CPSF6: variants seen among roughly 807,000 people sequenced by gnomAD.
CPSF6 encodes cleavage and polyadenylation specific factor 6.
CPSF6 carries 10 observed loss-of-function variants against 56.7 expected under a neutral mutation model. The ratio of observed to expected loss-of-function variants is 0.18; its 90% CI spans 0.11 to 0.30. The LOEUF is 0.30. CPSF6 is among the 10% of genes least tolerant of loss of function. The pLI, the probability that CPSF6 is intolerant of heterozygous loss-of-function variation, is 1.00. For missense variants in CPSF6, 419 were observed against 722.9 expected, an observed-to-expected ratio of 0.58 and a Z score of 4.82; for synonymous variants, 248 against 244.8, an observed-to-expected ratio of 1.01 and a Z score of -0.12.
chr12:69,240,925 T>A (rs1183034068), intron 1 of CPSF6, among the ~76,000 whole-genome samples: 1 of 152,214 alleles, frequency 6.6e-6, no homozygotes, highest in East Asian at 1.9e-4. Flanking sequence ...TTAACTGCAA[T>A]GTTCCTAAAA....
chr12:69,259,025 G>T lies in CPSF6; in HGVS notation c.1130G>T (p.Gly377Val). The change falls in exon 6 of 10, where the codon GGT (glycine) becomes GTT (valine). Residue 377 changes from glycine (G) to valine (V), a missense_variant. Physicochemically the swap from Gly to Val is moderately radical, Grantham distance 109 (BLOSUM62 -3). This residue lies in a region of CPSF6 where 211 missense variants were observed against 296.0 expected (regional missense o/e 0.71). Transcript: ENST00000435070. Reference sequence around the variant, plus strand: ...GGCATGCCTACATCAGATAGCCGAGGTCCACCACCAACAGATCCATATGGG... The same window carrying T: ...GGCATGCCTACATCAGATAGCCGAGTTCCACCACCAACAGATCCATATGGG... ...NSGMPTSDSR[G>V]PPPTDPYGRP... is the part of the protein sequence containing the mutation. 4 of 1,608,636 alleles carry T rather than the reference G, an allele frequency of 2.5e-6. No homozygotes were observed. The highest frequency in any genetic ancestry group is 3.4e-6 in the Non-Finnish European group (4 of 1,180,012).
intron 1 of CPSF6, among the ~76,000 whole-genome samples, chr12:69,243,683 A>G (rs890858162): frequency 2.6e-5 from 4 of 152,200 alleles, no homozygotes; most frequent in African/African-American, 9.7e-5. Context: ...AACCTGCATG[A>G]TTGGAAGTTG....
intron 1 of CPSF6, 52 bp downstream of exon 1, chr12:69,239,758 G>C: frequency 6.5e-7 from 1 of 1,527,832 alleles, no homozygotes; most frequent in Non-Finnish European, 8.8e-7. Flanking sequence ...CTGCGGCCGG[G>C]AAGCTGACCC....
At chr12:69,263,973 CCTTTTA>C (rs900950741) in intron 9 of CPSF6, among the ~76,000 whole-genome samples, 6 of 151,912 alleles carry the variant, frequency 3.9e-5, no homozygotes, top group African/African-American at 1.4e-4. Flanking sequence ...GGCAAAAAAA[CCTTTTA>C]CTTTTAAAAC....
intron 2 of CPSF6, among the ~76,000 whole-genome samples, chr12:69,252,607 T>C (rs915878817): frequency 3.9e-5 from 6 of 152,188 alleles, no homozygotes; most frequent in Non-Finnish European, 8.8e-5. Flanking sequence ...ATGGTTGTTA[T>C]AAGAGTTAGT....
chr12:69,269,732 G>T lies in CPSF6; in HGVS notation c.*224G>T. 1 of 199,092 alleles carries T rather than the reference G, an allele frequency of 5.0e-6. No individual in the cohort carries two copies. The allele number at this position is 199,092 out of a possible 1,614,324, so 12.3% of individuals were successfully genotyped here. Reference sequence around the variant, plus strand: ...ACTGTTTTATTTGAAGGAAACCTGTGTGATTTAAAAAGTTATAGCTTTTGC... The same window carrying T: ...ACTGTTTTATTTGAAGGAAACCTGTTTGATTTAAAAAGTTATAGCTTTTGC... On this transcript the variant is annotated 3_prime_UTR_variant, in exon 10 of 10. Transcript: ENST00000435070.
At chr12:69,264,132 A>G (rs1460638661) in intron 9 of CPSF6, among the ~76,000 whole-genome samples, 1 of 152,076 alleles carries the variant, frequency 6.6e-6, no homozygotes, top group Non-Finnish European at 1.5e-5. Context: ...AAAAATTCTC[A>G]ATATCCATCA....
chr12:69,272,956 A>G lies in CPSF6; in HGVS notation c.*3448A>G, dbSNP rs534986341. On this transcript the variant is annotated 3_prime_UTR_variant, in exon 10 of 10. Coordinates refer to ENST00000435070, the MANE Select transcript of CPSF6 (RefSeq NM_007007.3). ...ACTGGTGTATTTATTTTTTTAAGCA[A>G]CTTGACTCTTAGAAGCCTTAGACTG... 6 of 215,590 alleles carry G rather than the reference A, an allele frequency of 2.8e-5. No homozygotes were observed. The East Asian group carries it at 4.8e-4, about 17-fold the overall frequency. 13.4% of individuals were successfully genotyped at this position (215,590 alleles called of 1,614,324 possible). A position where few individuals can be genotyped will look rare whatever the true frequency, so the allele number is the denominator to read the frequency against.
intron 1 of CPSF6, 61 bp from the exon 2 acceptor site, chr12:69,251,068 A>G: frequency 6.8e-7 from 1 of 1,481,060 alleles, no homozygotes; most frequent in East Asian, 2.3e-5. Flanking sequence ...ATTTGTATTC[A>G]AGTCTATTTT....
chr12:69,251,400 T>A, intron 2 of CPSF6, 62 bp downstream of exon 2: 1 of 1,095,616 alleles, frequency 9.1e-7, no homozygotes, highest in Non-Finnish European at 1.3e-6. Context: ...CTCTAGTAAT[T>A]AATGTTTTTC....
At position 69,269,786 on chromosome 12, in the gene CPSF6, C is replaced by T; in HGVS notation, c.*278C>T. The T allele has an allele frequency of 5.6e-6, 1 of 179,148 alleles. No homozygotes were observed. Among genetic ancestry groups the T allele is most frequent in the Non-Finnish European group, 1.2e-5 (1 of 83,522 alleles). The allele number at this position is 179,148 out of a possible 1,614,324, so 11.1% of individuals were successfully genotyped here. A position where few individuals can be genotyped will look rare whatever the true frequency, so the allele number is the denominator to read the frequency against. On this transcript the variant is annotated 3_prime_UTR_variant, in exon 10 of 10. Coordinates refer to ENST00000435070, the MANE Select transcript of CPSF6 (RefSeq NM_007007.3). ...TTTATTACTGGTTATATACATTTGGCCATTATGATGTGCAAGCAATTGGAA... is the reference window on the plus strand; with the variant it reads ...TTTATTACTGGTTATATACATTTGGTCATTATGATGTGCAAGCAATTGGAA...
At position 69,263,651 on chromosome 12, in the gene CPSF6, G is replaced by A. The variant is rs889925861; in HGVS notation, c.*3+1089G>A. 2.6e-5 allele frequency among the ~76,000 whole-genome samples: 4 copies of A among 152,138 alleles called. No homozygotes were observed. The East Asian group carries it at 5.8e-4, about 22-fold the overall frequency. ...GAAAATTCAGTCATGGTAATTGTTAGTATTTAAATTGTTATGGGCAAAATT... is the reference window on the plus strand; with the variant it reads ...GAAAATTCAGTCATGGTAATTGTTAATATTTAAATTGTTATGGGCAAAATT... On this transcript the variant is annotated intron_variant, in intron 9 of 9. Coordinates refer to ENST00000435070, the MANE Select transcript of CPSF6 (RefSeq NM_007007.3).
intron 1 of CPSF6, among the ~76,000 whole-genome samples, chr12:69,250,182 A>G (rs1306044121): frequency 6.6e-6 from 1 of 151,796 alleles, no homozygotes; most frequent in Non-Finnish European, 1.5e-5. Context: ...TTTTTTTAAT[A>G]CTGGTAGCTT....
chr12:69,255,660 G>A (rs558811371), intron 3 of CPSF6, among the ~76,000 whole-genome samples: 1 of 152,148 alleles, frequency 6.6e-6, no homozygotes, highest in African/African-American at 2.4e-5. Context: ...TCCTGTCTCA[G>A]CCTCCCAGCG....
intron 9 of CPSF6, among the ~76,000 whole-genome samples, chr12:69,266,066 T>TA (rs1872969276): frequency 6.6e-6 from 1 of 151,864 alleles, no homozygotes; most frequent in Non-Finnish European, 1.5e-5. Context: ...AAAAAATTCT[T>TA]ACATGTTAAA....
At chr12:69,257,650 A>G (rs1872567869) in intron 4 of CPSF6, 82 bp from the exon 5 acceptor site, 1 of 1,282,768 alleles carries the variant, frequency 7.8e-7, no homozygotes, top group African/African-American at 1.5e-5. Flanking sequence ...TATTAGAAAT[A>G]GAGTTGTTTT....
chr12:69,263,095 AAT>A (rs977074535), intron 9 of CPSF6, among the ~76,000 whole-genome samples: 46 of 73,882 alleles, frequency 6.2e-4, no homozygotes, highest in African/African-American at 3.5e-3. Flanking sequence ...TTAAAAAAAA[AAT>A]TTTTTTTTTT....
intron 9 of CPSF6, among the ~76,000 whole-genome samples, chr12:69,267,051 C>T (rs1267385001): frequency 2.0e-5 from 3 of 151,962 alleles, no homozygotes; most frequent in Admixed American, 6.5e-5. Context: ...ATTTCCATTC[C>T]TCTTATTAAG....
chr12:69,257,890 C>A lies in CPSF6; in HGVS notation c.679C>A (p.Pro227Thr), dbSNP rs61754516. The A allele has an allele frequency of 6.3e-7, 1 of 1,596,176 alleles. No individual in the cohort carries two copies. Among genetic ancestry groups the A allele is most frequent in the Admixed American group, 1.8e-5 (1 of 54,484 alleles). ...TGGGCCAGCAGGACCAGGAGGGCCA[C>A]CCCCACCTTTTCCAGGTAAAACTTT... is the stretch of plus-strand genomic sequence containing the variant. ...FPGPAGPGGP[P>T]PPFPAGQTPP... The change falls in exon 5 of 10, where the codon CCC (proline) becomes ACC (threonine). Residue 227 changes from proline (P) to threonine (T), a missense_variant. By Grantham distance (38) the Pro-to-Thr change is conservative. Around this residue, in one of 4 missense-constraint regions of CPSF6, gnomAD observed 211 missense variants for 296.0 expected, o/e 0.71. Transcript: ENST00000435070.
Sources: gnomAD v4.1 joint callset for allele counts (sites outside exome capture counted in the v4.1 genomes callset) on GRCh38, gnomAD v4.1.1 for gene constraint, gnomAD v4.1.1 regional missense constraint, MANE v1.5 for transcripts, NCBI Gene and HGNC (gene_info 2026-07-23, HGNC 2026-07-21) for gene names.